Variants in USH2A observed in about 807,000 individuals in gnomAD.
The protein encoded by USH2A is Usher syndrome 2A (autosomal recessive, mild).
A neutral mutation model predicts 538.9 loss-of-function variants in USH2A; 443 were observed. That is an observed-to-expected ratio of 0.82 (90% CI 0.76 to 0.89). USH2A has a LOEUF of 0.89. Ranked by LOEUF, USH2A falls within the 40% of genes least tolerant of loss-of-function variation. USH2A has a pLI of 0.00. For synonymous variants in USH2A, 2,413 were observed against 2,273.5 expected, an observed-to-expected ratio of 1.06 and a Z score of -1.75; for missense variants, 6,633 against 6,324.8, an observed-to-expected ratio of 1.05 and a Z score of -1.65.
chr1:215,933,559 G>A, intron 38 of USH2A, among the ~76,000 whole-genome samples: 1 of 151,934 alleles, frequency 6.6e-6, no homozygotes, highest in South Asian at 2.1e-4. Flanking sequence ...ATAGTGTGTG[G>A]TTTTATGATA....
intron 63 of USH2A, among the ~76,000 whole-genome samples, chr1:215,671,561 ACAATCAAAATCC>A (rs1657819243): frequency 6.6e-6 from 1 of 152,126 alleles, no homozygotes; most frequent in Non-Finnish European, 1.5e-5. Context: ...AAATTTTTGA[ACAATCAAAATCC>A]CCCTGGCTTT....
At chr1:215,743,113 A>G in intron 59 of USH2A, 64 bp downstream of exon 59, 1 of 1,573,298 alleles carries the variant, frequency 6.4e-7, no homozygotes, top group Non-Finnish European at 8.7e-7. Context: ...TTCCTTTTTA[A>G]TGAAATTTTT....
At chr1:216,002,770 G>A (rs1345099849) in intron 32 of USH2A, among the ~76,000 whole-genome samples, 1 of 152,122 alleles carries the variant, frequency 6.6e-6, no homozygotes, top group Non-Finnish European at 1.5e-5. Flanking sequence ...TGTAGGTGGT[G>A]AAGAAGTTAC....
intron 38 of USH2A, among the ~76,000 whole-genome samples, chr1:215,909,134 C>T (rs1665711426): frequency 6.6e-6 from 1 of 151,390 alleles, no homozygotes; most frequent in Non-Finnish European, 1.5e-5. Flanking sequence ...TAAAAGTCAT[C>T]TATTATATGC....
intron 34 of USH2A, among the ~76,000 whole-genome samples, chr1:215,994,864 T>C (rs1668096290): frequency 6.6e-6 from 1 of 152,034 alleles, no homozygotes; most frequent in South Asian, 2.1e-4. Flanking sequence ...CCAGAAAATA[T>C]GGCAGGAAAA....
At chr1:216,297,391 T>C (rs2037129030) in intron 9 of USH2A, among the ~76,000 whole-genome samples, 1 of 152,122 alleles carries the variant, frequency 6.6e-6, no homozygotes, top group Admixed American at 6.5e-5. Context: ...GAATCTTAGT[T>C]TCTTCATCTT....
intron 21 of USH2A, among the ~76,000 whole-genome samples, chr1:216,149,913 C>T (rs1336852953): frequency 6.6e-6 from 1 of 152,172 alleles, no homozygotes; most frequent in Non-Finnish European, 1.5e-5. Flanking sequence ...ATCGGACAGC[C>T]AGCCTAATCC....
intron 66 of USH2A, 32 bp from the exon 67 acceptor site, chr1:215,647,762 C>A (rs111732521): frequency 6.2e-7 from 1 of 1,609,564 alleles, no homozygotes; most frequent in Non-Finnish European, 8.5e-7. Flanking sequence ...AGAGTCAAGA[C>A]GGGTAATGGA....
At chr1:216,159,689 C>A (rs141434112) in intron 21 of USH2A, among the ~76,000 whole-genome samples, 2 of 151,930 alleles carry the variant, frequency 1.3e-5, no homozygotes, top group Non-Finnish European at 2.9e-5. Flanking sequence ...AGATAGAAAC[C>A]ATTGCAATTT....
At chr1:215,853,855 C>T (rs1219605389) in intron 44 of USH2A, among the ~76,000 whole-genome samples, 1 of 152,158 alleles carries the variant, frequency 6.6e-6, no homozygotes, top group Non-Finnish European at 1.5e-5. Context: ...TCATTGTCCA[C>T]ATCATTATTA....
intron 49 of USH2A, among the ~76,000 whole-genome samples, chr1:215,811,540 C>A (rs1571710169): frequency 6.6e-6 from 1 of 152,096 alleles, no homozygotes; most frequent in Admixed American, 6.5e-5. Flanking sequence ...AGCTCTGACT[C>A]CCTATAATTT....
intron 14 of USH2A, among the ~76,000 whole-genome samples, chr1:216,219,521 CAA>C (rs1558324819): frequency 1.3e-5 from 2 of 152,028 alleles, no homozygotes; most frequent in Non-Finnish European, 2.9e-5. Context: ...TATCCCTCCT[CAA>C]GAGTACCTCC....
At chr1:215,795,582 A>G (rs77297318) in intron 50 of USH2A, among the ~76,000 whole-genome samples, 1 of 152,224 alleles carries the variant, frequency 6.6e-6, no homozygotes, top group African/African-American at 2.4e-5. Flanking sequence ...ATGAACAAAC[A>G]CACTAAAATC....
At chr1:216,028,206 G>A (rs1355944939) in intron 32 of USH2A, among the ~76,000 whole-genome samples, 3 of 151,976 alleles carry the variant, frequency 2.0e-5, no homozygotes, top group East Asian at 1.9e-4. Flanking sequence ...GGGCTAACAC[G>A]GTGAAACCCT....
At chr1:215,630,480 G>GTATATATATA (rs1443855975) in intron 70 of USH2A, among the ~76,000 whole-genome samples, 3 of 105,916 alleles carry the variant, frequency 2.8e-5, no homozygotes, top group Admixed American at 9.4e-5. Flanking sequence ...GTATGTGTGT[G>GTATATATATA]TGTATATATA....
At chr1:215,874,563 C>T (rs570935167) in intron 43 of USH2A, among the ~76,000 whole-genome samples, 15 of 152,224 alleles carry the variant, frequency 9.9e-5, no homozygotes, top group Admixed American at 2.0e-4. Flanking sequence ...CTTTTCTATG[C>T]GTTATAAACA....
In USH2A at chr1:215,811,981, G is replaced by GTTTTTT. The variant is rs753767378; in HGVS notation, c.9739+1749_9739+1754dup. Among the ~76,000 whole-genome samples, 134 of 78,784 alleles carry GTTTTTT rather than the reference G, an allele frequency of 1.7e-3. 7 individuals are homozygous for GTTTTTT. Among genetic ancestry groups the GTTTTTT allele is most frequent in the African/African-American group, 6.4e-3 (124 of 19,228 alleles). 51.7% of individuals were successfully genotyped at this position (78,784 alleles called of 152,430 possible). ...AAAACCAACCAAAAAAACCCCTAGG[G>GTTTTTT]TTTTTTTTTTTTTTTTTTTTTGAGA... On this transcript the variant is annotated intron_variant, in intron 49 of 71. Coordinates refer to ENST00000307340, the MANE Select transcript of USH2A (RefSeq NM_206933.4).
chr1:215,728,977 A>C (rs917409306), intron 60 of USH2A, among the ~76,000 whole-genome samples: 22 of 152,158 alleles, frequency 1.4e-4, no homozygotes, highest in African/African-American at 5.1e-4. Flanking sequence ...CCCTTCTATG[A>C]TAAATGGATT....
At chr1:216,373,619 T>C (rs1159115036) in intron 3 of USH2A, among the ~76,000 whole-genome samples, 6 of 152,296 alleles carry the variant, frequency 3.9e-5, no homozygotes, top group Admixed American at 3.9e-4. Flanking sequence ...AAGACATTCT[T>C]TTACATAAGC....
Sources: gnomAD v4.1 joint callset for allele counts (sites outside exome capture counted in the v4.1 genomes callset) on GRCh38, gnomAD v4.1.1 for gene constraint, MANE v1.5 for transcripts, NCBI Gene and HGNC (gene_info 2026-07-23, HGNC 2026-07-21) for gene names.